The following LHFPL3 variants were observed in gnomAD, a reference collection of about 807,000 sequenced individuals.
LHFPL3 encodes the protein LHFPL tetraspan subfamily member 3 protein.
Under a neutral mutation model 19.3 loss-of-function variants are expected in LHFPL3, and 5 were observed. The ratio of observed to expected loss-of-function variants is 0.26; its 90% CI spans 0.14 to 0.54. The LOEUF (loss-of-function observed/expected upper bound fraction) is 0.54, where lower values mean the gene tolerates loss of function less well. Among genes scored for constraint, LHFPL3 ranks in the 20% least tolerant of loss-of-function variants. The pLI is 0.94. For synonymous variants in LHFPL3, 133 were observed against 126.2 expected (o/e 1.05, Z -0.36); for missense variants, 249 against 307.4 (o/e 0.81, Z 1.42).
chr7:104,504,068 A>G (rs1280409703), intron 1 of LHFPL3, among the ~76,000 whole-genome samples: 3 of 152,140 alleles, frequency 2.0e-5, no homozygotes, highest in Non-Finnish European at 4.4e-5. Flanking sequence ...TTTTCTCTCC[A>G]GGCCAGACTC....
intron 1 of LHFPL3, among the ~76,000 whole-genome samples, chr7:104,696,397 G>A (rs1008744319): frequency 6.6e-6 from 1 of 152,150 alleles, no homozygotes; most frequent in African/African-American, 2.4e-5. Context: ...AATAAGCAGA[G>A]GGGTGAAAGT....
intron 1 of LHFPL3, among the ~76,000 whole-genome samples, chr7:104,436,630 G>A (rs1792111157): frequency 6.6e-6 from 1 of 152,148 alleles, no homozygotes; most frequent in Non-Finnish European, 1.5e-5. Flanking sequence ...TGAATCTGAT[G>A]GCTGAAATAT....
intron 2 of LHFPL3, among the ~76,000 whole-genome samples, chr7:104,824,502 ATAT>A (rs1341317455): frequency 1.6e-5 from 1 of 62,642 alleles, no homozygotes; most frequent in African/African-American, 6.3e-5. Context: ...ATAATTATAT[ATAT>A]TATTTTATAT....
chr7:104,536,678 G>A lies in LHFPL3; in HGVS notation c.446-199997G>A, dbSNP rs1198958983. ...GTTTCCCCTCGGGTGTCAGCCTCAAGTTTTCCATTTTAATTTAATTCTTTT... is the reference window on the plus strand; with the variant it reads ...GTTTCCCCTCGGGTGTCAGCCTCAAATTTTCCATTTTAATTTAATTCTTTT... On this transcript the variant is annotated intron_variant, in intron 1 of 2. Transcript: ENST00000424859. Among the ~76,000 whole-genome samples the A allele has an allele frequency of 5.9e-5, 9 of 152,284 alleles. No homozygotes were observed. In the South Asian group the frequency reaches 1.9e-3, roughly 32 times the overall value.
At chr7:104,642,403 A>T (rs774975526) in intron 1 of LHFPL3, among the ~76,000 whole-genome samples, 2 of 152,226 alleles carry the variant, frequency 1.3e-5, no homozygotes, top group African/African-American at 2.4e-5. Flanking sequence ...ACTGACCAAC[A>T]TAACTTCCAA....
At chr7:104,776,122 C>T (rs1794633326) in intron 2 of LHFPL3, among the ~76,000 whole-genome samples, 1 of 152,180 alleles carries the variant, frequency 6.6e-6, no homozygotes, top group South Asian at 2.1e-4. Context: ...CCTAAGAACA[C>T]TGAAGCTTCA....
intron 2 of LHFPL3, among the ~76,000 whole-genome samples, chr7:104,827,097 G>A (rs968015081): frequency 2.0e-5 from 3 of 151,864 alleles, no homozygotes; most frequent in African/African-American, 4.9e-5. Context: ...CGTTTACTAG[G>A]TAAAGCATGT....
intron 1 of LHFPL3, among the ~76,000 whole-genome samples, chr7:104,503,350 A>G (rs147399155): frequency 1.8e-4 from 27 of 152,240 alleles, no homozygotes; most frequent in Admixed American, 8.5e-4. Context: ...ACAGGAAAAA[A>G]TTAGCTGTCT....
chr7:104,518,206 A>G (rs1793959988), intron 1 of LHFPL3, among the ~76,000 whole-genome samples: 1 of 152,202 alleles, frequency 6.6e-6, no homozygotes, highest in Admixed American at 6.5e-5. Context: ...TTTGTATACT[A>G]CTAACAGTAA....
chr7:104,676,268 C>G (rs77434706), intron 1 of LHFPL3, among the ~76,000 whole-genome samples: 1 of 152,172 alleles, frequency 6.6e-6, no homozygotes, highest in Non-Finnish European at 1.5e-5. Flanking sequence ...CAGGTTTAAA[C>G]AGAGGACTAA....
intron 1 of LHFPL3, among the ~76,000 whole-genome samples, chr7:104,528,958 T>G (rs1439587063): frequency 6.6e-6 from 1 of 152,180 alleles, no homozygotes; most frequent in Non-Finnish European, 1.5e-5. Flanking sequence ...GTCACTTTTA[T>G]GCATGGCTTG....
intron 1 of LHFPL3, among the ~76,000 whole-genome samples, chr7:104,475,342 C>A (rs529781323): frequency 2.6e-4 from 40 of 152,010 alleles, no homozygotes; most frequent in African/African-American, 9.6e-4. Context: ...GTGGTTTTAA[C>A]CTTTTAACTA....
At chr7:104,892,998 GA>G (rs1792282502) in intron 2 of LHFPL3, among the ~76,000 whole-genome samples, 2 of 151,828 alleles carry the variant, frequency 1.3e-5, no homozygotes, top group African/African-American at 4.8e-5. Flanking sequence ...TTGAGGCCAG[GA>G]TTTCAAGACC....
intron 1 of LHFPL3, among the ~76,000 whole-genome samples, chr7:104,473,506 CA>C (rs1345108506): frequency 6.6e-6 from 1 of 152,144 alleles, no homozygotes; most frequent in Non-Finnish European, 1.5e-5. Context: ...GCCATGAAAA[CA>C]GGTACTTATT....
At chr7:104,759,398 T>C (rs1794338116) in intron 2 of LHFPL3, among the ~76,000 whole-genome samples, 1 of 152,212 alleles carries the variant, frequency 6.6e-6, no homozygotes, top group Admixed American at 6.5e-5. Context: ...AAATTAATTT[T>C]AATAATATAT....
At chr7:104,447,174 A>C (rs1163502535) in intron 1 of LHFPL3, among the ~76,000 whole-genome samples, 1 of 152,140 alleles carries the variant, frequency 6.6e-6, no homozygotes, top group African/African-American at 2.4e-5. Flanking sequence ...AATTGGATAT[A>C]AAATTGCTTT....
chr7:104,541,612 T>C (rs567963877), intron 1 of LHFPL3, among the ~76,000 whole-genome samples: 1 of 152,228 alleles, frequency 6.6e-6, no homozygotes, highest in South Asian at 2.1e-4. Context: ...AGATTGGCAA[T>C]GTGGGAGGAT....
chr7:104,829,487 T>A (rs938500897), intron 2 of LHFPL3, among the ~76,000 whole-genome samples: 12 of 149,954 alleles, frequency 8.0e-5, no homozygotes, highest in African/African-American at 2.2e-4. Flanking sequence ...CCCATCCCCC[T>A]ACCCCACAAC....
At chr7:104,372,403 C>T (rs1268694447) in intron 1 of LHFPL3, among the ~76,000 whole-genome samples, 1 of 152,112 alleles carries the variant, frequency 6.6e-6, no homozygotes, top group Admixed American at 6.5e-5. Context: ...CTTGATTGGT[C>T]TGTGATTTCC....
Sources: gnomAD v4.1 joint callset for allele counts (sites outside exome capture counted in the v4.1 genomes callset) on GRCh38, gnomAD v4.1.1 for gene constraint, MANE v1.5 for transcripts, NCBI Gene and HGNC (gene_info 2026-07-23, HGNC 2026-07-21) for gene names.